The following PLXNA2 variants were observed in gnomAD, a reference collection of about 807,000 sequenced individuals.
PLXNA2 encodes plexin A2.
Under a neutral mutation model 193.5 loss-of-function variants are expected in PLXNA2, and 91 were observed. The observed-to-expected ratio is 0.47, with a 90% CI of 0.40 to 0.56. The LOEUF (loss-of-function observed/expected upper bound fraction) is 0.56, where lower values mean the gene tolerates loss of function less well. Ranked by LOEUF, PLXNA2 falls within the 20% of genes least tolerant of loss-of-function variation. PLXNA2 has a pLI of 0.00. For synonymous variants in PLXNA2, 997 were observed against 1,027.3 expected (o/e 0.97, Z 0.56); for missense variants, 1,995 against 2,503.2 (o/e 0.80, Z 4.33).
At chr1:208,059,451 G>A (rs530471563) in intron 13 of PLXNA2, among the ~76,000 whole-genome samples, 1 of 152,184 alleles carries the variant, frequency 6.6e-6, no homozygotes, top group South Asian at 2.1e-4. Flanking sequence ...CTCAGAGTCT[G>A]GGAATTCACC....
At chr1:208,130,526 C>A (rs1313743538) in intron 4 of PLXNA2, among the ~76,000 whole-genome samples, 1 of 152,206 alleles carries the variant, frequency 6.6e-6, no homozygotes, top group Non-Finnish European at 1.5e-5. Context: ...GAGCGCTGTG[C>A]ACACAGCCTC....
At chr1:208,034,439 T>C in intron 27 of PLXNA2, 54 bp downstream of exon 27, 1 of 1,154,218 alleles carries the variant, frequency 8.7e-7, no homozygotes, top group South Asian at 1.2e-5. Context: ...TGGGCCCTGC[T>C]AGGTCTCAGA....
At chr1:208,206,766 G>GTTTTTTTTT (rs896776741) in intron 3 of PLXNA2, among the ~76,000 whole-genome samples, 1 of 116,762 alleles carries the variant, frequency 8.6e-6, no homozygotes, top group Non-Finnish European at 1.7e-5. Context: ...GCACATATAG[G>GTTTTTTTTT]TTTTTTTTTT....
At chr1:208,167,408 T>C (rs1329576001) in intron 3 of PLXNA2, among the ~76,000 whole-genome samples, 1 of 152,220 alleles carries the variant, frequency 6.6e-6, no homozygotes, top group South Asian at 2.1e-4. Flanking sequence ...AGCCATAATA[T>C]GCTCAGTGCA....
intron 1 of PLXNA2, among the ~76,000 whole-genome samples, chr1:208,225,079 C>T (rs1477225705): frequency 6.6e-6 from 1 of 152,064 alleles, no homozygotes; most frequent in African/African-American, 2.4e-5. Context: ...TGGACAAGGC[C>T]CTTAGATCTT....
At chr1:208,051,521 C>T (rs1324728773) in intron 15 of PLXNA2, 98 bp from the exon 16 acceptor site, 48 of 889,832 alleles carry the variant, frequency 5.4e-5, no homozygotes, top group Non-Finnish European at 4.2e-5. Flanking sequence ...GCGGGTAAGG[C>T]CACAGAAGTG....
At chr1:208,119,839 T>C (rs1430977062) in intron 4 of PLXNA2, among the ~76,000 whole-genome samples, 3 of 121,704 alleles carry the variant, frequency 2.5e-5, no homozygotes, top group African/African-American at 9.1e-5. Context: ...GGTTTCGAAC[T>C]CCTGATCTCA....
chr1:208,064,142 C>T (rs1167606259), intron 12 of PLXNA2, among the ~76,000 whole-genome samples: 1 of 152,164 alleles, frequency 6.6e-6, no homozygotes, highest in Non-Finnish European at 1.5e-5. Context: ...TAAAGAAGGT[C>T]GCCAGGCCCT....
chr1:208,046,232 G>T, intron 17 of PLXNA2, 115 bp from the exon 18 acceptor site: 1 of 1,322,106 alleles, frequency 7.6e-7, no homozygotes, highest in Non-Finnish European at 1.0e-6. Context: ...GGGTTTACTT[G>T]CTTGTCTCCA....
chr1:208,106,741 T>C (rs939486060), intron 4 of PLXNA2, among the ~76,000 whole-genome samples: 2 of 152,256 alleles, frequency 1.3e-5, no homozygotes, highest in Non-Finnish European at 2.9e-5. Context: ...TCTTCTTCCT[T>C]TTTGAAATGT....
intron 4 of PLXNA2, among the ~76,000 whole-genome samples, chr1:208,120,737 C>T (rs1667782875): frequency 6.6e-6 from 1 of 152,162 alleles, no homozygotes; most frequent in Non-Finnish European, 1.5e-5. Flanking sequence ...TGGTGGGTCT[C>T]CCAGAGTTCT....
At chr1:208,030,437 G>GGACA in intron 29 of PLXNA2, 1 of 985,564 alleles carries the variant, frequency 1.0e-6, no homozygotes, top group Non-Finnish European at 1.2e-6. Flanking sequence ...AAAGCAAAGG[G>GGACA]GACAGGCATG....
At chr1:208,214,667 A>G (rs1208565314) in intron 2 of PLXNA2, among the ~76,000 whole-genome samples, 2 of 152,172 alleles carry the variant, frequency 1.3e-5, no homozygotes, top group Non-Finnish European at 2.9e-5. Flanking sequence ...AGCACTGTGT[A>G]CAAGAAACCT....
intron 4 of PLXNA2, among the ~76,000 whole-genome samples, chr1:208,133,986 C>T (rs1668231660): frequency 6.6e-6 from 1 of 152,176 alleles, no homozygotes; most frequent in Non-Finnish European, 1.5e-5. Flanking sequence ...TTCAGCAATA[C>T]CTATCTAGAA....
At chr1:208,032,053 G>A (rs1284920756) in intron 28 of PLXNA2, 2 of 985,234 alleles carry the variant, frequency 2.0e-6, no homozygotes, top group Non-Finnish European at 2.4e-6. Context: ...AGTGCCCCGG[G>A]TCCGGGCTTC....
intron 17 of PLXNA2, 91 bp downstream of exon 17, chr1:208,050,918 C>T (rs988969570): frequency 1.4e-5 from 12 of 883,050 alleles, no homozygotes; most frequent in Middle Eastern, 2.2e-4. Flanking sequence ...TATTCAGAGG[C>T]TCCAGTGCCT....
chr1:208,211,378 G>A (rs1368296580), intron 2 of PLXNA2, among the ~76,000 whole-genome samples: 1 of 152,096 alleles, frequency 6.6e-6, no homozygotes, highest in Non-Finnish European at 1.5e-5. Context: ...ATGTTTGAAA[G>A]AAGATCACCT....
chr1:208,033,707 C>T (rs768847575), intron 27 of PLXNA2, among the ~76,000 whole-genome samples, 198 bp from the exon 28 acceptor site: 2 of 152,104 alleles, frequency 1.3e-5, no homozygotes, highest in Non-Finnish European at 2.9e-5. Flanking sequence ...AGCTTGAAGG[C>T]TTTTTTAGAA....
At chr1:208,145,698 G>T (rs1668582551) in intron 3 of PLXNA2, among the ~76,000 whole-genome samples, 1 of 152,130 alleles carries the variant, frequency 6.6e-6, no homozygotes, top group African/African-American at 2.4e-5. Context: ...GCTGCATTCG[G>T]TCAGGACCAA....
Sources: gnomAD v4.1 joint callset for allele counts (sites outside exome capture counted in the v4.1 genomes callset) on GRCh38, gnomAD v4.1.1 for gene constraint, MANE v1.5 for transcripts, NCBI Gene and HGNC (gene_info 2026-07-23, HGNC 2026-07-21) for gene names.